Variants in TRABD observed in about 807,000 individuals in gnomAD.
TRABD encodes the protein TraB domain containing.
TRABD carries 23 observed loss-of-function variants against 39.6 expected under a neutral mutation model. That is an observed-to-expected ratio of 0.58 (90% confidence interval 0.42 to 0.82). The LOEUF (loss-of-function observed/expected upper bound fraction) is 0.82. Among genes scored for constraint, TRABD ranks in the 40% least tolerant of loss-of-function variants. The pLI, the probability that TRABD is intolerant of heterozygous loss-of-function variation, is 0.00. For missense variants in TRABD, 487 were observed against 544.9 expected, an observed-to-expected ratio of 0.89 and a Z score of 1.06; for synonymous variants, 243 against 232.1, an observed-to-expected ratio of 1.05 and a Z score of -0.43.
chr22:50,197,056 C>T, intron 5 of TRABD, 185 bp from the exon 6 acceptor site: 1 of 602,150 alleles, frequency 1.7e-6, no homozygotes, highest in Non-Finnish European at 2.9e-6. Context: ...GACAGAACTC[C>T]CTGCTCTGGT....
intron 1 of TRABD, among the ~76,000 whole-genome samples, chr22:50,186,877 A>G (rs1376906072): frequency 1.3e-5 from 2 of 152,228 alleles, no homozygotes; most frequent in African/African-American, 2.4e-5. Context: ...TACAAGAAAG[A>G]TGGAGTGGGA....
In TRABD at chr22:50,195,838, G is replaced by A. The variant is rs375359908; in HGVS notation, c.420+798G>A. Among the ~76,000 whole-genome samples the A allele has an allele frequency of 2.4e-4, 36 of 152,256 alleles. No individual in the cohort carries two copies. The South Asian group carries it at 7.0e-3, about 30-fold the overall frequency. On this transcript the variant is annotated intron_variant, in intron 5 of 9. Coordinates refer to ENST00000380909, the MANE Select transcript of TRABD (RefSeq NM_001320485.2). ...TCAGTTTGCCTTCCCCCTGTTCAAA[G>A]GAAACAATTATAATGAGATCTTATA... is the stretch of plus-strand genomic sequence containing the variant.
In TRABD at chr22:50,194,927, G is replaced by A. The variant is rs1460896913; in HGVS notation, c.307G>A (p.Val103Met). 1.2e-6 allele frequency: 2 copies of A among 1,613,044 alleles called. No individual in the cohort carries two copies. Among genetic ancestry groups the A allele is most frequent in the Non-Finnish European group, 8.5e-7 (1 of 1,179,956 alleles). ...KTIREVQPDV[V>M]VVELCQYRVS... ...CATCCGGGAGGTGCAGCCTGACGTGGTGGTCGTGGAGCTCTGCCAATATCG... is the reference window on the plus strand; with the variant it reads ...CATCCGGGAGGTGCAGCCTGACGTGATGGTCGTGGAGCTCTGCCAATATCG... Residue 103 changes from valine (V) to methionine (M), a missense_variant, in exon 5 of 10, where the codon GTG becomes ATG. By Grantham distance (21) the Val-to-Met change is conservative (BLOSUM62 1). Transcript: ENST00000380909.
intron 7 of TRABD, 47 bp from the exon 8 acceptor site, chr22:50,197,776 C>G: frequency 6.9e-7 from 1 of 1,439,454 alleles, no homozygotes; most frequent in Non-Finnish European, 9.7e-7. Flanking sequence ...CCCACCCCCC[C>G]AGCCCGTTGC....
chr22:50,197,709 C>A, intron 7 of TRABD, 114 bp from the exon 8 acceptor site: 1 of 1,566,924 alleles, frequency 6.4e-7, no homozygotes, highest in Non-Finnish European at 8.7e-7. Context: ...CCTTTCCTTC[C>A]GCCACAAATC....
chr22:50,193,729 A>C, intron 3 of TRABD, 75 bp downstream of exon 3: 1 of 1,430,830 alleles, frequency 7.0e-7, no homozygotes, highest in Non-Finnish European at 9.8e-7. Context: ...GAGGCAGCCA[A>C]CCACTGCCAG....
At chr22:50,196,357 G>C (rs2064105721) in intron 5 of TRABD, among the ~76,000 whole-genome samples, 1 of 152,362 alleles carries the variant, frequency 6.6e-6, no homozygotes, top group Non-Finnish European at 1.5e-5. Flanking sequence ...CATTCCCAGG[G>C]CTCATGGCTC....
Position 50,198,808 on chromosome 22 carries a change from AG to A in TRABD, c.*291del. The A allele has an allele frequency of 1.9e-6, 1 of 538,618 alleles. No individual in the cohort carries two copies. The highest frequency in any genetic ancestry group is 3.3e-6 in the Non-Finnish European group (1 of 304,514). 33.4% of individuals were successfully genotyped at this position (538,618 alleles called of 1,614,324 possible). A position where few individuals can be genotyped will look rare whatever the true frequency, so the allele number is the denominator to read the frequency against. ...CAGCTCCGAGGGGGCAGGGGCTTAT[AG>A]GAGGGGCCGAGGCGTGCGCTGCCCT... On this transcript the variant is annotated 3_prime_UTR_variant, in exon 10 of 10. Coordinates refer to ENST00000380909, the MANE Select transcript of TRABD (RefSeq NM_001320485.2). This position sits in a 1 kb window ranked among gnomAD's most constrained non-coding sequence, Gnocchi z 7.9.
At position 50,194,289 on chromosome 22, in the gene TRABD, G is replaced by A. The variant is rs373311592; in HGVS notation, c.113-51G>A. Reference sequence around the variant, plus strand: ...AGCCCAGGCTGCCAGCGGGCCCGGCGGCGTCCTTGGGGTGGGCCCGGCACC... The same window carrying A: ...AGCCCAGGCTGCCAGCGGGCCCGGCAGCGTCCTTGGGGTGGGCCCGGCACC... On this transcript the variant is annotated intron_variant, in intron 3 of 9. Transcript: ENST00000380909. 1.6e-4 allele frequency: 248 copies of A among 1,585,586 alleles called. 2 individuals carry two copies. The South Asian group carries it at 2.5e-3, about 16-fold the overall frequency.
chr22:50,195,128 C>G (rs1299309920), intron 5 of TRABD, 88 bp downstream of exon 5: 1 of 1,449,630 alleles, frequency 6.9e-7, no homozygotes. Flanking sequence ...ACAGCCCATG[C>G]CCCCAGTCAG....
At chr22:50,188,542 C>T (rs111687273) in intron 1 of TRABD, among the ~76,000 whole-genome samples, 2 of 152,228 alleles carry the variant, frequency 1.3e-5, no homozygotes, top group African/African-American at 4.8e-5. Context: ...GCCCCCGCGG[C>T]GTCCTTACCC....
At chr22:50,196,803 T>A (rs1569088554) in intron 5 of TRABD, 1 of 157,956 alleles carries the variant, frequency 6.3e-6, no homozygotes, top group Non-Finnish European at 1.4e-5. Flanking sequence ...CAAGTGATTC[T>A]CCTGCCTCAG....
Position 50,199,331 on chromosome 22 carries a change from A to C in TRABD, c.*812A>C, listed in dbSNP as rs950906007. On this transcript the variant is annotated 3_prime_UTR_variant, in exon 10 of 10. Transcript: ENST00000380909. ...CTCTGGGCAGACAATGTGTGCACCT[A>C]TGTGGAAGGCCAAGGACATGGGCTG... is the stretch of plus-strand genomic sequence containing the variant. The C allele has an allele frequency of 1.9e-6, 1 of 537,034 alleles. No individual in the cohort carries two copies. The highest frequency in any genetic ancestry group is 1.9e-5 in the African/African-American group (1 of 51,920). 33.3% of individuals were successfully genotyped at this position (537,034 alleles called of 1,614,324 possible).
chr22:50,194,990 C>A lies in TRABD; in HGVS notation c.370C>A (p.Arg124=). ...GAAGATGGACGAGAGCACGCTGCTG[C>A]GGGAGGCCCAGGAGCTCAGCCTGGA... ...MLKMDESTLL[R]EAQELSLEKL... Residue 124 remains arginine, a synonymous_variant, in exon 5 of 10, where the codon CGG becomes AGG. Coordinates refer to ENST00000380909, the MANE Select transcript of TRABD (RefSeq NM_001320485.2). 1.2e-6 allele frequency: 2 copies of A among 1,610,214 alleles called. No homozygotes were observed. The highest frequency in any genetic ancestry group is 1.7e-6 in the Non-Finnish European group (2 of 1,179,544).
At chr22:50,195,814 C>A (rs1228456548) in intron 5 of TRABD, among the ~76,000 whole-genome samples, 1 of 152,018 alleles carries the variant, frequency 6.6e-6, no homozygotes, top group Non-Finnish European at 1.5e-5. Context: ...CAGCCCTGGT[C>A]AGTTTGCCTT....
Position 50,198,083 on chromosome 22 carries a change from A to T in TRABD, c.853A>T (p.Arg285Trp). ...ELPRASDAEP[R>W]KCVPSVVVGV... ...CTTGTCCTTCCCCACAGCCGAGCCC[A>T]GGAAGTGCGTCCCCTCCGTGGTCGT... Residue 285 changes from arginine to tryptophan, a missense_variant, in exon 9 of 10, where the codon AGG (arginine) becomes TGG (tryptophan). Coordinates refer to ENST00000380909, the MANE Select transcript of TRABD (RefSeq NM_001320485.2). This position sits in a 1 kb window ranked among gnomAD's most constrained non-coding sequence, Gnocchi z 7.9. 6.2e-7 allele frequency: 1 copy of T among 1,612,562 alleles called. No homozygotes were observed. The highest frequency in any genetic ancestry group is 8.5e-7 in the Non-Finnish European group (1 of 1,179,664).
intron 4 of TRABD, 45 bp from the exon 5 acceptor site, chr22:50,194,855 C>T (rs2064042070): frequency 4.4e-6 from 7 of 1,592,582 alleles, no homozygotes; most frequent in Non-Finnish European, 6.0e-6. Flanking sequence ...TGCTGAGGGG[C>T]AGGGAGCGGC....
intron 6 of TRABD, 39 bp downstream of exon 6, chr22:50,197,390 T>A: frequency 6.2e-7 from 1 of 1,612,512 alleles, no homozygotes; most frequent in Admixed American, 1.7e-5. Context: ...CACAGGGATG[T>A]GGCTCACAGG....
chr22:50,196,250 G>C (rs1248873186), intron 5 of TRABD, among the ~76,000 whole-genome samples: 1 of 152,230 alleles, frequency 6.6e-6, no homozygotes, highest in Non-Finnish European at 1.5e-5. Flanking sequence ...GTGGGTCCCA[G>C]TGGACCAAGG....
Sources: gnomAD v4.1 joint callset for allele counts (sites outside exome capture counted in the v4.1 genomes callset) on GRCh38, gnomAD v4.1.1 for gene constraint, Gnocchi (gnomAD v3.1) non-coding constraint, MANE v1.5 for transcripts, NCBI Gene and HGNC (gene_info 2026-07-23, HGNC 2026-07-21) for gene names.